Variants in SDK2 observed in about 807,000 individuals in gnomAD.
The protein encoded by SDK2 is sidekick cell adhesion molecule 2.
A neutral mutation model predicts 253.9 loss-of-function variants in SDK2; 105 were observed. That is an observed-to-expected ratio of 0.41 (90% CI 0.35 to 0.49). The LOEUF is 0.49. SDK2 is among the 20% of genes least tolerant of loss of function. SDK2 has a pLI of 0.06. For missense variants in SDK2, 2,608 were observed against 3,003.0 expected (o/e 0.87, Z 3.07); for synonymous variants, 1,249 against 1,234.9 (o/e 1.01, Z -0.24).
rs1355099967 is a variant in SDK2, at chr17:73,612,777, C to G, written c.64+31248G>C. 2.0e-5 allele frequency among the ~76,000 whole-genome samples: 3 copies of G among 152,056 alleles called. No individual in the cohort carries two copies. The highest frequency in any genetic ancestry group is 2.0e-4 in the Admixed American group (3 of 15,268). On this transcript the variant is annotated intron_variant, in intron 1 of 44. Coordinates refer to ENST00000392650, the MANE Select transcript of SDK2 (RefSeq NM_001144952.2). This position sits in a 1 kb window ranked among gnomAD's most constrained non-coding sequence, Gnocchi z 4.4. ...ACTAAAAATACAAAAATTAGCTGTA[C>G]CTGGTGGTGCGCACCTGTAGTCCCA...
At chr17:73,472,044 T>C (rs1266178336) in intron 3 of SDK2, 68 bp downstream of exon 3, 2 of 1,156,416 alleles carry the variant, frequency 1.7e-6, no homozygotes, top group Middle Eastern at 2.1e-4. Context: ...CTGCCCAGGA[T>C]GTGGCTGGTG....
At chr17:73,510,041 G>A (rs2063968328) in intron 1 of SDK2, among the ~76,000 whole-genome samples, 1 of 151,908 alleles carries the variant, frequency 6.6e-6, no homozygotes, top group African/African-American at 2.4e-5. Context: ...AGCTGGCTGT[G>A]GCTGGGTGCA....
chr17:73,360,291 A>G (rs1257479379), intron 39 of SDK2, among the ~76,000 whole-genome samples: 2 of 152,180 alleles, frequency 1.3e-5, no homozygotes, highest in African/African-American at 4.8e-5. Context: ...GCAGAACCAG[A>G]CTGTGGGGAA....
chr17:73,550,500 G>A (rs1270327072), intron 1 of SDK2, among the ~76,000 whole-genome samples: 3 of 152,202 alleles, frequency 2.0e-5, no homozygotes, highest in Admixed American at 1.3e-4. Flanking sequence ...CCACGACACA[G>A]AGACCCTGGG....
At chr17:73,503,260 C>T (rs8077756) in intron 2 of SDK2, among the ~76,000 whole-genome samples, 1 of 152,036 alleles carries the variant, frequency 6.6e-6, no homozygotes, top group Non-Finnish European at 1.5e-5. Flanking sequence ...TACGTCCATC[C>T]GAACAAATGG....
At chr17:73,350,432 C>T (rs2062526898) in intron 42 of SDK2, 57 bp from the exon 43 acceptor site, 2 of 1,564,420 alleles carry the variant, frequency 1.3e-6, no homozygotes, top group Admixed American at 1.9e-5. Flanking sequence ...CTCTCCCATA[C>T]CACTCTCCAC....
chr17:73,386,573 G>A (rs1315165890), intron 30 of SDK2, 25 bp from the exon 31 acceptor site: 1 of 1,487,918 alleles, frequency 6.7e-7, no homozygotes, highest in South Asian at 1.2e-5. Flanking sequence ...CAGGGCCAAT[G>A]AGCCAAGGTG....
In SDK2 at chr17:73,354,261, A is replaced by T. The variant is rs955589439; in HGVS notation, c.5594-1624T>A. On this transcript the variant is annotated intron_variant, in intron 40 of 44. Coordinates refer to ENST00000392650, the MANE Select transcript of SDK2 (RefSeq NM_001144952.2). ...TCTCCACCCTGTGCTGGCGTCAGCC[A>T]CCTCTGTCCTTTGCACCTGAGCTTC... is the stretch of plus-strand genomic sequence containing the variant. 7.2e-5 allele frequency among the ~76,000 whole-genome samples: 11 copies of T among 152,142 alleles called. 1 individual carries two copies. The highest frequency in any genetic ancestry group is 7.2e-4 in the Admixed American group (11 of 15,280).
At chr17:73,619,092 G>A (rs1331941507) in intron 1 of SDK2, among the ~76,000 whole-genome samples, 3 of 151,912 alleles carry the variant, frequency 2.0e-5, no homozygotes, top group South Asian at 2.1e-4. Context: ...GCTTGAACCC[G>A]GGAAGTGGAG....
In SDK2 at chr17:73,414,749, G is replaced by A; in HGVS notation, c.2379C>T (p.Val793=). The A allele has an allele frequency of 6.2e-7, 1 of 1,612,990 alleles. No homozygotes were observed. The highest frequency in any genetic ancestry group is 8.5e-7 in the Non-Finnish European group (1 of 1,179,172). Residue 793 remains valine (V), a synonymous_variant, in exon 18 of 45, where the codon GTC becomes GTT. Transcript: ENST00000392650. ...TEWTLQGVPT[V]PPGNVHAEAT... The stretch of plus-strand genomic sequence containing the variant: ...CTTCCGCGTGCACATTGCCCGGAGG[G>A]ACCGTGGGAACTAGAGGAGATGAGA...
chr17:73,354,604 C>T (rs1253365862), intron 40 of SDK2, among the ~76,000 whole-genome samples: 1 of 152,192 alleles, frequency 6.6e-6, no homozygotes, highest in African/African-American at 2.4e-5. Context: ...CCCCTCTTCA[C>T]AGTAGAAGGA....
At chr17:73,499,767 T>C (rs1184192096) in intron 2 of SDK2, among the ~76,000 whole-genome samples, 1 of 152,130 alleles carries the variant, frequency 6.6e-6, no homozygotes, top group African/African-American at 2.4e-5. Context: ...GGTAATGAGA[T>C]TCACCTGTTG....
At chr17:73,501,579 C>T (rs895287619) in intron 2 of SDK2, among the ~76,000 whole-genome samples, 5 of 152,196 alleles carry the variant, frequency 3.3e-5, no homozygotes, top group Non-Finnish European at 5.9e-5. Context: ...AGGCTGGTTT[C>T]GAAATGGATA....
chr17:73,484,847 T>A (rs901953155), intron 2 of SDK2, among the ~76,000 whole-genome samples: 1 of 152,218 alleles, frequency 6.6e-6, no homozygotes, highest in South Asian at 2.1e-4. Flanking sequence ...AGAGATGGGA[T>A]CTCACTATGT....
intron 6 of SDK2, among the ~76,000 whole-genome samples, chr17:73,438,376 G>T (rs1453753981): frequency 6.6e-6 from 1 of 152,216 alleles, no homozygotes; most frequent in Non-Finnish European, 1.5e-5. Flanking sequence ...CGCCCAGGGG[G>T]TTGTAGCCAA....
At chr17:73,625,500 C>T (rs919151152) in intron 1 of SDK2, among the ~76,000 whole-genome samples, 1 of 152,194 alleles carries the variant, frequency 6.6e-6, no homozygotes, top group Admixed American at 6.5e-5. Context: ...CACCAGTGGG[C>T]AGGGCAGGGT....
intron 27 of SDK2, 121 bp downstream of exon 27, chr17:73,393,439 G>A: frequency 1.2e-6 from 1 of 824,846 alleles, no homozygotes; most frequent in Non-Finnish European, 1.7e-6. Flanking sequence ...CCCTACCGGA[G>A]GCATCTGAGG....
At position 73,618,420 on chromosome 17, in the gene SDK2, C is replaced by A. The variant is rs2046087371; in HGVS notation, c.64+25605G>T. ...CAGGGAGGCAGTGGTCGGCCAAGCCCAAGGGCTATGGAGCCACAAGGATTC... is the reference window on the plus strand; with the variant it reads ...CAGGGAGGCAGTGGTCGGCCAAGCCAAAGGGCTATGGAGCCACAAGGATTC... On this transcript the variant is annotated intron_variant, in intron 1 of 44. Transcript: ENST00000392650. The surrounding 1 kb of genome is among the most constrained non-coding windows in gnomAD (Gnocchi z 4.1). 6.6e-6 allele frequency among the ~76,000 whole-genome samples: 1 copy of A among 152,210 alleles called. No homozygotes were observed. The highest frequency in any genetic ancestry group is 2.1e-4 in the South Asian group (1 of 4,832).
At chr17:73,418,010 G>GTTTGT (rs1555765779) in intron 16 of SDK2, among the ~76,000 whole-genome samples, 1 of 128,258 alleles carries the variant, frequency 7.8e-6, no homozygotes, top group African/African-American at 2.9e-5. Context: ...TCCTAGATGA[G>GTTTGT]TTTTTTTTTT....
Sources: allele counts gnomAD v4.1 joint callset (sites outside exome capture counted in the v4.1 genomes callset), GRCh38; gene constraint gnomAD v4.1.1; non-coding constraint Gnocchi (gnomAD v3.1); transcripts MANE v1.5; gene names NCBI Gene and HGNC (gene_info 2026-07-23, HGNC 2026-07-21).